Variants in FLYWCH1 observed in about 807,000 individuals in gnomAD.
The protein encoded by FLYWCH1 is FLYWCH-type zinc finger 1.
In FLYWCH1, 75 loss-of-function variants were observed where a neutral mutation model predicts 66.4. The ratio of observed to expected loss-of-function variants is 1.13; its 90% CI spans 0.94 to 1.37. The LOEUF (loss-of-function observed/expected upper bound fraction) is 1.37, where lower values mean the gene tolerates loss of function less well. FLYWCH1 is among the 40% of genes most tolerant of loss of function. The probability of loss-of-function intolerance (pLI) is 0.00; values close to 1 mark genes in which losing one functional copy is unlikely to be tolerated. For synonymous variants in FLYWCH1, 595 were observed against 429.9 expected (o/e 1.38, Z -4.75); for missense variants, 1,334 against 1,001.8 (o/e 1.33, Z -4.48).
At chr16:2,934,581 C>G (rs1346466370) in intron 6 of FLYWCH1, 1 of 452,066 alleles carries the variant, frequency 2.2e-6, no homozygotes, top group Non-Finnish European at 4.4e-6. Flanking sequence ...ATCGTGGCCT[C>G]CTCCACTCAC....
In FLYWCH1 at chr16:2,933,526, A is replaced by T. The variant is rs747137150; in HGVS notation, c.1193A>T (p.Glu398Val). The part of the protein sequence containing the change: ...PRKRAKVEDQ[E>V]LPTQPEAPDE... ...AAGCGAGCAAAGGTCGAAGACCAGG[A>T]GCTGCCAACCCAGCCCGAGGCCCCA... Residue 398 changes from glutamate (E) to valine (V), a missense_variant, in exon 5 of 10, where the codon GAG becomes GTG. Physicochemically the swap from Glu to Val is moderately radical, Grantham distance 121. Coordinates refer to ENST00000253928, the MANE Select transcript of FLYWCH1 (RefSeq NM_001308068.2). The T allele has an allele frequency of 6.2e-7, 1 of 1,611,426 alleles. No individual in the cohort carries two copies. The highest frequency in any genetic ancestry group is 8.5e-7 in the Non-Finnish European group (1 of 1,178,916).
At chr16:2,914,595 T>C (rs2070103140) in intron 2 of FLYWCH1, among the ~76,000 whole-genome samples, 1 of 152,080 alleles carries the variant, frequency 6.6e-6, no homozygotes, top group African/African-American at 2.4e-5. Flanking sequence ...CTCCATTCAC[T>C]TAAGAAATCT....
In FLYWCH1 at chr16:2,940,026, C is replaced by T. The variant is rs756903255; in HGVS notation, c.2051-6C>T. 14 of 1,601,048 alleles carry T rather than the reference C, an allele frequency of 8.7e-6. No homozygotes were observed. Among genetic ancestry groups the T allele is most frequent in the Admixed American group, 1.7e-5 (1 of 58,624 alleles). ...TTAATTCATATTTTCAATTATTTTT[C>T]CACAGAAAAGATTCAAGTTCAGCTG... is the stretch of plus-strand genomic sequence containing the variant. On this transcript the variant is annotated splice_polypyrimidine_tract_variant and splice_region_variant and intron_variant, in intron 8 of 9. Transcript: ENST00000253928.
At chr16:2,944,573 A>G (rs916275818) in intron 9 of FLYWCH1, among the ~76,000 whole-genome samples, 1 of 152,132 alleles carries the variant, frequency 6.6e-6, no homozygotes, top group Admixed American at 6.6e-5. Context: ...CTATAATCCC[A>G]GCACTTTGGT....
intron 6 of FLYWCH1, chr16:2,935,912 GTCT>G (rs2070978574): frequency 6.6e-6 from 1 of 152,450 alleles, no homozygotes; most frequent in South Asian, 2.0e-4. Flanking sequence ...AGATGAGGGC[GTCT>G]TTTTTTTTTT....
rs778702725 is a variant in FLYWCH1, at chr16:2,933,519, G to C, written c.1186G>C (p.Asp396His). 18 of 1,611,710 alleles carry C rather than the reference G, an allele frequency of 1.1e-5. No homozygotes were observed. The highest frequency in any genetic ancestry group is 1.5e-5 in the Non-Finnish European group (18 of 1,179,128). ...PRPRKRAKVEDQELPTQPEAP... is the reference protein window; with the variant it reads ...PRPRKRAKVEHQELPTQPEAP... ...GCCCAGAAAGCGAGCAAAGGTCGAAGACCAGGAGCTGCCAACCCAGCCCGA... is the reference window on the plus strand; with the variant it reads ...GCCCAGAAAGCGAGCAAAGGTCGAACACCAGGAGCTGCCAACCCAGCCCGA... Residue 396 changes from aspartate to histidine, a missense_variant, in exon 5 of 10, where the codon GAC becomes CAC. Coordinates refer to ENST00000253928, the MANE Select transcript of FLYWCH1 (RefSeq NM_001308068.2).
chr16:2,926,031 T>TCTA (rs1477691999), intron 2 of FLYWCH1, among the ~76,000 whole-genome samples: 2 of 151,996 alleles, frequency 1.3e-5, no homozygotes, highest in Non-Finnish European at 2.9e-5. Context: ...CTGCCCACAC[T>TCTA]CAGTTGCCCC....
chr16:2,922,018 G>A (rs1031426367), intron 2 of FLYWCH1, among the ~76,000 whole-genome samples: 11 of 152,254 alleles, frequency 7.2e-5, no homozygotes, highest in Admixed American at 3.3e-4. Context: ...AACTGAGATC[G>A]TGCCACTGCA....
rs771888603 is a variant in FLYWCH1 at position 2,929,887 on chromosome 16, C to A, written c.202C>A (p.Leu68Met). Residue 68 changes from leucine to methionine, a missense_variant, in exon 3 of 10, where the codon CTG (leucine) becomes ATG (methionine). Coordinates refer to ENST00000253928, the MANE Select transcript of FLYWCH1 (RefSeq NM_001308068.2). ...KPQEVHCVLS[L>M]EMAGPATLAS... ...CCAGGAAGTGCACTGCGTCCTGTCC[C>A]TGGAGATGGCTGGCCCCGCCACCCT... 2.5e-6 allele frequency: 4 copies of A among 1,613,848 alleles called. No individual in the cohort carries two copies. In the African/African-American group the frequency reaches 4.0e-5, roughly 16 times the overall value.
intron 6 of FLYWCH1, chr16:2,935,213 A>C (rs911732010): frequency 6.6e-6 from 1 of 152,598 alleles, no homozygotes; most frequent in Non-Finnish European, 1.5e-5. Flanking sequence ...GTGAGCCACC[A>C]TACCCGGCCA....
Position 2,933,250 on chromosome 16 carries a change from A to C in FLYWCH1, c.917A>C (p.Asp306Ala). 6.2e-7 allele frequency: 1 copy of C among 1,613,416 alleles called. No individual in the cohort carries two copies. The highest frequency in any genetic ancestry group is 8.5e-7 in the Non-Finnish European group (1 of 1,179,778). The change falls in exon 5 of 10, where the codon GAC (aspartate) becomes GCC (alanine). Residue 306 changes from aspartate to alanine, a missense_variant. Asp to Ala is a moderately radical substitution (Grantham distance 126). Coordinates refer to ENST00000253928, the MANE Select transcript of FLYWCH1 (RefSeq NM_001308068.2). Reference sequence around the variant, plus strand: ...GACAAGGTGTATTGGACCTGCCGGGACCACGCGCTGCACGGCTGCCGGAGC... The same window carrying C: ...GACAAGGTGTATTGGACCTGCCGGGCCCACGCGCTGCACGGCTGCCGGAGC... Reference protein sequence around the residue: ...VGDKVYWTCRDHALHGCRSRA... With the variant: ...VGDKVYWTCRAHALHGCRSRA...
In FLYWCH1 at chr16:2,933,182, G is replaced by T. The variant is rs749483554; in HGVS notation, c.849G>T (p.Leu283=). The T allele has an allele frequency of 3.7e-6, 6 of 1,613,760 alleles. No homozygotes were observed. The South Asian group carries it at 6.6e-5, about 18-fold the overall frequency. The change falls in exon 5 of 10, where the codon CTG becomes CTT. Residue 283 remains leucine, a synonymous_variant. Transcript: ENST00000253928. ...FLRTCYGGSF[L]VHESFLYKRE... is the part of the protein sequence containing the mutation. ...GGACGTGCTACGGGGGCAGCTTCCTGGTACACGAGTCGTTCCTCTACAAGC... is the reference window on the plus strand; with the variant it reads ...GGACGTGCTACGGGGGCAGCTTCCTTGTACACGAGTCGTTCCTCTACAAGC...
intron 9 of FLYWCH1, among the ~76,000 whole-genome samples, chr16:2,942,278 G>C (rs1226575966): frequency 2.0e-5 from 3 of 151,640 alleles, no homozygotes; most frequent in Non-Finnish European, 2.9e-5. Flanking sequence ...CTCCTGAGTA[G>C]CTGGGACTAC....
intron 1 of FLYWCH1, among the ~76,000 whole-genome samples, chr16:2,912,737 C>T (rs2070033997): frequency 6.6e-6 from 1 of 152,174 alleles, no homozygotes; most frequent in African/African-American, 2.4e-5. Flanking sequence ...CCACCCCGTT[C>T]CAAAAGGCTG....
In FLYWCH1 at chr16:2,923,631, T is replaced by C. The variant is rs530731322; in HGVS notation, c.-73-5982T>C. On this transcript the variant is annotated intron_variant, in intron 2 of 9. Coordinates refer to ENST00000253928, the MANE Select transcript of FLYWCH1 (RefSeq NM_001308068.2). ...TTTCCCTCGTTACAAGCCATTTATA[T>C]GCACCCATCTGGGGGATGTGGTGTT... 3.3e-5 allele frequency among the ~76,000 whole-genome samples: 5 copies of C among 152,370 alleles called. No individual in the cohort carries two copies. In the East Asian group the frequency reaches 7.7e-4, roughly 23 times the overall value.
At position 2,929,817 on chromosome 16, in the gene FLYWCH1, G is replaced by A. The variant is rs1179655666; in HGVS notation, c.132G>A (p.Leu44=). Residue 44 remains leucine (L), a synonymous_variant, in exon 3 of 10, where the codon CTG becomes CTA. Transcript: ENST00000253928. ...CCAGGGAGTTCTCCAAACTGGTGCT[G>A]CTCACAGCCTCCGACCAAGATGAGG... is the stretch of plus-strand genomic sequence containing the variant. ...RKPREFSKLV[L]LTASDQDEDG... 4 of 1,613,986 alleles carry A rather than the reference G, an allele frequency of 2.5e-6. No individual in the cohort carries two copies. Among genetic ancestry groups the A allele is most frequent in the South Asian group, 2.2e-5 (2 of 91,088 alleles).
chr16:2,928,289 C>A (rs893981371), intron 2 of FLYWCH1, among the ~76,000 whole-genome samples: 2 of 152,208 alleles, frequency 1.3e-5, no homozygotes, highest in African/African-American at 4.8e-5. Context: ...TTCACTCCTC[C>A]TCCTCAGCAC....
intron 2 of FLYWCH1, among the ~76,000 whole-genome samples, chr16:2,914,581 T>C (rs957729369): frequency 4.7e-4 from 72 of 152,278 alleles, no homozygotes; most frequent in African/African-American, 1.5e-3. Flanking sequence ...TCTGCCGGCC[T>C]GTGCTCCATT....
At chr16:2,927,180 G>A (rs2150934668) in intron 2 of FLYWCH1, among the ~76,000 whole-genome samples, 1 of 152,264 alleles carries the variant, frequency 6.6e-6, no homozygotes, top group Admixed American at 6.5e-5. Context: ...ACCACAGGGC[G>A]CGGCGCTGTG....
Sources: gnomAD v4.1 joint callset for allele counts (sites outside exome capture counted in the v4.1 genomes callset) on GRCh38, gnomAD v4.1.1 for gene constraint, MANE v1.5 for transcripts, NCBI Gene and HGNC (gene_info 2026-07-23, HGNC 2026-07-21) for gene names.